The following TBX5 variants were observed in gnomAD, a reference collection of about 807,000 sequenced individuals.
TBX5 encodes the protein T-box transcription factor TBX5.
In TBX5, 8 loss-of-function variants were observed where a neutral mutation model predicts 51.1. That is an observed-to-expected ratio of 0.16 (90% confidence interval 0.09 to 0.28). TBX5 has a LOEUF of 0.28. TBX5 is among the 10% of genes least tolerant of loss of function. TBX5 has a pLI of 1.00. For missense variants in TBX5, 589 were observed against 671.7 expected, an observed-to-expected ratio of 0.88 and a Z score of 1.36; for synonymous variants, 302 against 266.4, an observed-to-expected ratio of 1.13 and a Z score of -1.30.
upstream of TBX5, among the ~76,000 whole-genome samples, chr12:114,406,438 G>C (rs75606073): frequency 6.6e-6 from 1 of 152,082 alleles, no homozygotes; most frequent in Admixed American, 6.5e-5. Context: ...TGACGCTGGC[G>C]GTGCAGAGAA....
chr12:114,376,606 G>T (rs1870203901), intron 7 of TBX5, among the ~76,000 whole-genome samples: 1 of 151,362 alleles, frequency 6.6e-6, no homozygotes, highest in African/African-American at 2.4e-5. Flanking sequence ...TAAGAGCACA[G>T]TATTGTGTAC....
At chr12:114,369,666 C>T (rs1306156375) in intron 7 of TBX5, among the ~76,000 whole-genome samples, 2 of 152,178 alleles carry the variant, frequency 1.3e-5, no homozygotes, top group Non-Finnish European at 2.9e-5. Context: ...TCTCTAAAGT[C>T]CTCCAGATGA....
chr12:114,408,357 C>T, upstream of TBX5: 1 of 345,816 alleles, frequency 2.9e-6, no homozygotes, highest in African/African-American at 2.2e-5. Context: ...GAACTCTTCA[C>T]GAAGGGAGGT....
chr12:114,384,714 A>AACACACACACACACACAC (rs1555225276), intron 7 of TBX5, among the ~76,000 whole-genome samples: 103 of 143,948 alleles, frequency 7.2e-4, no homozygotes, highest in African/African-American at 2.4e-3. Context: ...AAAAAAAGAA[A>AACACACACACACACACAC]ACACACACAC....
At position 114,403,925 on chromosome 12, in the gene TBX5, C is replaced by G; in HGVS notation, c.-27G>C. The G allele has an allele frequency of 6.2e-7, 1 of 1,606,294 alleles. No homozygotes were observed. The highest frequency in any genetic ancestry group is 8.5e-7 in the Non-Finnish European group (1 of 1,179,398). ...GTGCGCCCAGGGCCCTGTGCCCGCG[C>G]AAGGTTCTGCTCTGAGGACAAGAAG... On this transcript the variant is annotated 5_prime_UTR_variant, in exon 2 of 9. Transcript: ENST00000405440.
intron 8 of TBX5, among the ~76,000 whole-genome samples, chr12:114,356,678 A>G (rs1371452521): frequency 6.6e-6 from 1 of 152,224 alleles, no homozygotes; most frequent in Non-Finnish European, 1.5e-5. Context: ...AACCTAGTAA[A>G]CACCTACTAT....
At chr12:114,401,981 C>T (rs1055860310) in intron 2 of TBX5, 61 bp from the exon 3 acceptor site, 1 of 1,405,380 alleles carries the variant, frequency 7.1e-7, no homozygotes, top group East Asian at 2.3e-5. Context: ...ATTCCTTCCC[C>T]AAACTCCCCC....
chr12:114,356,186 G>A, intron 8 of TBX5, 80 bp from the exon 9 acceptor site: 1 of 1,354,996 alleles, frequency 7.4e-7, no homozygotes, highest in East Asian at 2.3e-5. Context: ...TTTGGCCAAA[G>A]TACTGAAGAA....
At chr12:114,402,704 TATATATATAC>T (rs1017930841) in intron 2 of TBX5, among the ~76,000 whole-genome samples, 5 of 152,236 alleles carry the variant, frequency 3.3e-5, no homozygotes, top group African/African-American at 7.2e-5. Flanking sequence ...GATGCAAATG[TATATATATAC>T]ATATATATAC....
chr12:114,384,200 GA>G, intron 7 of TBX5, among the ~76,000 whole-genome samples: 1 of 151,826 alleles, frequency 6.6e-6, no homozygotes, highest in East Asian at 1.9e-4. Flanking sequence ...ACCAATTTAT[GA>G]AAACAGGAAT....
intron 8 of TBX5, among the ~76,000 whole-genome samples, chr12:114,363,765 T>C (rs888895338): frequency 7.9e-5 from 12 of 152,126 alleles, no homozygotes; most frequent in African/African-American, 2.7e-4. Context: ...ATAAAGTGGG[T>C]TAATAATAGC....
In TBX5 at chr12:114,396,741, G is replaced by T. The variant is rs1871456399; in HGVS notation, c.510+1832C>A. ...CTCCAGAAGGAGCCAGCCCAGAGATGCATGTGGAACCTTTAGAAATGGCTC... is the reference window on the plus strand; with the variant it reads ...CTCCAGAAGGAGCCAGCCCAGAGATTCATGTGGAACCTTTAGAAATGGCTC... On this transcript the variant is annotated intron_variant, in intron 5 of 8. Transcript: ENST00000405440. 1.3e-5 allele frequency among the ~76,000 whole-genome samples: 2 copies of T among 152,186 alleles called. 1 individual carries two copies. The highest frequency in any genetic ancestry group is 4.1e-4 in the South Asian group (2 of 4,828).
At chr12:114,363,995 T>C (rs902934968) in intron 8 of TBX5, among the ~76,000 whole-genome samples, 6 of 152,160 alleles carry the variant, frequency 3.9e-5, no homozygotes, top group Non-Finnish European at 8.8e-5. Context: ...CCTGTTGGAG[T>C]GATATTGTTC....
intron 7 of TBX5, among the ~76,000 whole-genome samples, chr12:114,384,745 A>AC (rs10629159): frequency 2.6e-5 from 3 of 115,162 alleles, no homozygotes; most frequent in Admixed American, 8.5e-5. Flanking sequence ...ACACACACAC[A>AC]ACACACACAC....
intron 7 of TBX5, among the ~76,000 whole-genome samples, chr12:114,379,016 G>T (rs545591111): frequency 6.6e-6 from 1 of 152,270 alleles, no homozygotes; most frequent in South Asian, 2.1e-4. Flanking sequence ...AAGCTAGAGA[G>T]GCCACATTCT....
At position 114,405,621 on chromosome 12, in the gene TBX5, C is replaced by A; in HGVS notation, c.-39+7G>T. ...GAGCCTCCCGGGCCATCTGCCGGGA[C>A]GGTTACCTCGTTCGGTGAAGCCGGT... On this transcript the variant is annotated splice_region_variant and intron_variant, in intron 1 of 8. Coordinates refer to ENST00000405440, the MANE Select transcript of TBX5 (RefSeq NM_181486.4). 7 of 874,214 alleles carry A rather than the reference C, an allele frequency of 8.0e-6. No homozygotes were observed. Among genetic ancestry groups the A allele is most frequent in the Non-Finnish European group, 9.6e-6 (7 of 728,428 alleles). 54.2% of individuals were successfully genotyped at this position (874,214 alleles called of 1,614,324 possible).
chr12:114,371,561 G>A (rs1475766420), intron 7 of TBX5, among the ~76,000 whole-genome samples: 1 of 151,728 alleles, frequency 6.6e-6, no homozygotes, highest in Non-Finnish European at 1.5e-5. Flanking sequence ...AGGTGGCAGG[G>A]GGCGCTGGCA....
rs1205628140 is a variant in TBX5 at position 114,387,105 on chromosome 12, C to CA, written c.664-1539dup. On this transcript the variant is annotated intron_variant, in intron 6 of 8. Transcript: ENST00000405440. ...TGGGCAACAGAGCAAAATTCCGTCT[C>CA]AAAAAAAAAACAAAAAACAAAAAAA... Among the ~76,000 whole-genome samples, 84 of 147,546 alleles carry CA rather than the reference C, an allele frequency of 5.7e-4. No individual in the cohort carries two copies. The Middle Eastern group carries it at 0.01, about 18-fold the overall frequency.
rs1175472126 is a variant in TBX5 at position 114,399,472 on chromosome 12, C to T, written c.362+41G>A. On this transcript the variant is annotated intron_variant, in intron 4 of 8. Coordinates refer to ENST00000405440, the MANE Select transcript of TBX5 (RefSeq NM_181486.4). ...TTCAACTTTTTGGGAGAAGGTTCCA[C>T]TTTTCTCTCTCCCCGCTCCACCTGC... 4 of 1,612,214 alleles carry T rather than the reference C, an allele frequency of 2.5e-6. No individual in the cohort carries two copies. In the South Asian group the frequency reaches 3.3e-5, roughly 13 times the overall value.
Sources: gnomAD v4.1 joint callset for allele counts (sites outside exome capture counted in the v4.1 genomes callset) on GRCh38, gnomAD v4.1.1 for gene constraint, MANE v1.5 for transcripts, NCBI Gene and HGNC (gene_info 2026-07-23, HGNC 2026-07-21) for gene names.